NAV3: variants seen among roughly 807,000 people sequenced by gnomAD.
NAV3 encodes neuron navigator 3, also known as pore membrane and/or filament interacting like protein 1.
NAV3 carries 87 observed loss-of-function variants against 244.7 expected under a neutral mutation model. The ratio of observed to expected loss-of-function variants is 0.36; its 90% CI spans 0.30 to 0.42. NAV3 has a LOEUF of 0.42. Ranked by LOEUF, NAV3 falls within the 20% of genes least tolerant of loss-of-function variation. The pLI, the probability that NAV3 is intolerant of heterozygous loss-of-function variation, is 1.00. For missense variants in NAV3, 2,663 were observed against 2,893.3 expected (o/e 0.92, Z 1.83); for synonymous variants, 1,126 against 1,042.2 (o/e 1.08, Z -1.55).
At chr12:78,086,940 T>C (rs1180489589) in intron 12 of NAV3, among the ~76,000 whole-genome samples, 1 of 152,062 alleles carries the variant, frequency 6.6e-6, no homozygotes, top group Non-Finnish European at 1.5e-5. Context: ...ATTTTTGAAT[T>C]AACTGCCTAT....
chr12:78,128,734 C>G lies in NAV3; in HGVS notation c.4309C>G (p.Gln1437Glu), dbSNP rs779495534. The G allele has an allele frequency of 1.2e-5, 20 of 1,613,942 alleles. No homozygotes were observed. The East Asian group carries it at 4.2e-4, about 34-fold the overall frequency. The change falls in exon 18 of 40, where the codon CAA (glutamine) becomes GAA (glutamate). Residue 1437 changes from glutamine to glutamate, a missense_variant. Transcript: ENST00000397909. ...TACCCCATCATCTCGGCAGGCCAAC[C>G]AAGAAGAGGGCAAAGAGTGGTTGCG... ...RYTPSSRQANQEEGKEWLRSH... is the reference protein window; with the variant it reads ...RYTPSSRQANEEEGKEWLRSH...
chr12:77,670,284 A>G (rs1873908749), intron 2 of NAV3, among the ~76,000 whole-genome samples: 1 of 152,098 alleles, frequency 6.6e-6, no homozygotes. Flanking sequence ...AACAAGCACC[A>G]AGATTGAAAT....
At chr12:77,874,978 G>A (rs1454069196) in intron 1 of NAV3, among the ~76,000 whole-genome samples, 1 of 152,082 alleles carries the variant, frequency 6.6e-6, no homozygotes, top group Non-Finnish European at 1.5e-5. Flanking sequence ...ATATTTCATT[G>A]TAGGAAGAAT....
intron 2 of NAV3, among the ~76,000 whole-genome samples, chr12:77,712,288 A>G (rs1006643245): frequency 2.0e-5 from 3 of 152,198 alleles, no homozygotes; most frequent in African/African-American, 4.8e-5. Flanking sequence ...TACCATTTAC[A>G]TAGAGGGAGG....
chr12:78,145,130 TA>T, intron 20 of NAV3: 1 of 244,134 alleles, frequency 4.1e-6, no homozygotes, highest in Non-Finnish European at 8.4e-6. Context: ...TATTAGGATC[TA>T]AAAAATAAAA....
intron 32 of NAV3, 127 bp downstream of exon 32, chr12:78,188,470 G>T: frequency 1.7e-6 from 2 of 1,157,218 alleles, no homozygotes; most frequent in Non-Finnish European, 2.5e-6. Flanking sequence ...TTCTGTTTGT[G>T]CTATTTGATA....
intron 30 of NAV3, among the ~76,000 whole-genome samples, 174 bp from the exon 31 acceptor site, chr12:78,185,427 C>T (rs911306166): frequency 6.6e-6 from 1 of 151,732 alleles, no homozygotes; most frequent in Non-Finnish European, 1.5e-5. Flanking sequence ...GAAACTTTAG[C>T]CCAACCACAG....
chr12:78,036,867 C>A (rs1879969454), intron 9 of NAV3: 1 of 688,790 alleles, frequency 1.5e-6, no homozygotes, highest in Non-Finnish European at 2.7e-6. Context: ...AAGAATCATG[C>A]AGCGGCCTGC....
intron 2 of NAV3, among the ~76,000 whole-genome samples, chr12:77,594,766 A>C (rs995310847): frequency 7.2e-5 from 11 of 152,216 alleles, no homozygotes. Context: ...ACTTCATAGA[A>C]TTTGTAAATA....
chr12:78,192,851 G>A (rs1003034835), intron 34 of NAV3, among the ~76,000 whole-genome samples: 2 of 152,022 alleles, frequency 1.3e-5, no homozygotes, highest in South Asian at 2.1e-4. Context: ...ATACAAACTC[G>A]TTGCCAGAAA....
At chr12:77,801,519 C>T (rs958490621) in intron 2 of NAV3, among the ~76,000 whole-genome samples, 2 of 151,884 alleles carry the variant, frequency 1.3e-5, no homozygotes, top group East Asian at 3.9e-4. Context: ...TATGTTATTA[C>T]AGTACAAATT....
intron 2 of NAV3, among the ~76,000 whole-genome samples, chr12:77,800,978 T>C (rs1381704707): frequency 3.3e-5 from 5 of 152,104 alleles, no homozygotes; most frequent in Admixed American, 1.3e-4. Context: ...GGGAAAAATA[T>C]CACAACCATA....
chr12:78,041,313 T>C (rs1032285308), intron 9 of NAV3, among the ~76,000 whole-genome samples: 11 of 152,218 alleles, frequency 7.2e-5, no homozygotes, highest in Admixed American at 7.2e-4. Context: ...TTCAAATGAT[T>C]TGTAAATTCA....
At chr12:77,670,921 C>T (rs1483712258) in intron 2 of NAV3, among the ~76,000 whole-genome samples, 1 of 152,076 alleles carries the variant, frequency 6.6e-6, no homozygotes, top group Non-Finnish European at 1.5e-5. Context: ...CAACACAGTA[C>T]TGGAAGTCCT....
chr12:77,913,051 T>C (rs911353640), intron 1 of NAV3, among the ~76,000 whole-genome samples: 12 of 152,104 alleles, frequency 7.9e-5, no homozygotes, highest in African/African-American at 2.9e-4. Context: ...TTTGTTTGAG[T>C]AGCTTCCAAA....
At position 78,175,346 on chromosome 12, in the gene NAV3, T is replaced by C. The variant is rs750869209; in HGVS notation, c.5022T>C (p.Ser1674=). ...GACAGCATTCCTCTGAAAGTGTTTC[T>C]AGTATCAACAGTGCCACAAGCCATT... is the stretch of plus-strand genomic sequence containing the variant. The part of the protein sequence containing the change: ...IRRQHSSESV[S]SINSATSHSS... Residue 1674 remains serine (S), a synonymous_variant, in exon 25 of 40, where the codon TCT becomes TCC. Transcript: ENST00000397909. The C allele has an allele frequency of 2.0e-5, 33 of 1,611,552 alleles. No individual in the cohort carries two copies. The highest frequency in any genetic ancestry group is 2.7e-5 in the Non-Finnish European group (32 of 1,178,402).
In NAV3 at chr12:78,119,231, A is replaced by C. The variant is rs1271010092; in HGVS notation, c.3041-6A>C. ...CACATATATTTGTGTATTTCTCCTT[A>C]ATTAGGGAAAACCGATGATGCCAAA... On this transcript the variant is annotated splice_region_variant and splice_polypyrimidine_tract_variant and intron_variant, in intron 14 of 39. Transcript: ENST00000397909. 6.2e-7 allele frequency: 1 copy of C among 1,605,604 alleles called. No individual in the cohort carries two copies. The highest frequency in any genetic ancestry group is 1.1e-5 in the South Asian group (1 of 90,192).
At position 77,737,741 on chromosome 12, in the gene NAV3, T is replaced by C. The variant is rs74106528; in HGVS notation, c.72+165475T>C. ...TCTGGTAAGGTCTCATGGCCATTCA[T>C]TGGGCTTTTCAACAGTTGGTCTACC... On this transcript the variant is annotated intron_variant, in intron 2 of 8. Coordinates refer to the NAV3 transcript ENST00000550042. 1.3e-3 allele frequency among the ~76,000 whole-genome samples: 194 copies of C among 152,318 alleles called. 1 individual carries two copies. Among genetic ancestry groups the C allele is most frequent in the African/African-American group, 3.8e-3 (159 of 41,570 alleles).
rs1328019912 is a variant in NAV3 at position 78,188,756 on chromosome 12, A to G, written c.6034A>G (p.Ile2012Val). 2 of 1,611,886 alleles carry G rather than the reference A, an allele frequency of 1.2e-6. No homozygotes were observed. Among genetic ancestry groups the G allele is most frequent in the African/African-American group, 1.3e-5 (1 of 74,942 alleles). The change falls in exon 33 of 40, where the codon ATC (isoleucine) becomes GTC (valine). Residue 2012 changes from isoleucine (I) to valine (V), a missense_variant. By Grantham distance (29) the Ile-to-Val change is conservative. This residue lies in a region of NAV3 where 543 missense variants were observed against 672.4 expected (regional missense o/e 0.81). Transcript: ENST00000397909. Reference sequence around the variant, plus strand: ...TGGATACCTTGTTGGAGATAATAACATCATCACTGTGAACCTCAAAGGTAA... The same window carrying G: ...TGGATACCTTGTTGGAGATAATAACGTCATCACTGTGAACCTCAAAGGTAA... The part of the protein sequence containing the change: ...PCGYLVGDNN[I>V]ITVNLKGVEE...
Sources: gnomAD v4.1 joint callset for allele counts (sites outside exome capture counted in the v4.1 genomes callset) on GRCh38, gnomAD v4.1.1 for gene constraint, gnomAD v4.1.1 regional missense constraint, MANE v1.5 for transcripts, NCBI Gene and HGNC (gene_info 2026-07-23, HGNC 2026-07-21) for gene names.